Variants in MGAT4C observed in about 807,000 individuals in gnomAD.
MGAT4C encodes the protein MGAT4 family member C, also known as alpha-1,3-mannosyl-glycoprotein 4-beta-N-acetylglucosaminyltransferase C.
Under a neutral mutation model 40.1 loss-of-function variants are expected in MGAT4C, and 19 were observed. The observed-to-expected ratio is 0.47, with a 90% CI of 0.33 to 0.70. MGAT4C has a LOEUF of 0.70. Ranked by LOEUF, MGAT4C falls within the 30% of genes least tolerant of loss-of-function variation. The probability of loss-of-function intolerance (pLI) is 0.02; values close to 1 mark genes in which losing one functional copy is unlikely to be tolerated. For missense variants in MGAT4C, 491 were observed against 563.2 expected, an observed-to-expected ratio of 0.87 and a Z score of 1.30; for synonymous variants, 181 against 187.1, an observed-to-expected ratio of 0.97 and a Z score of 0.27.
Position 86,235,968 on chromosome 12 carries a change from T to C in MGAT4C, c.-57+20271A>G, listed in dbSNP as rs533319223. Among the ~76,000 whole-genome samples, 4 of 152,218 alleles carry C rather than the reference T, an allele frequency of 2.6e-5. No individual in the cohort carries two copies. The South Asian group carries it at 6.2e-4, about 24-fold the overall frequency. On this transcript the variant is annotated intron_variant, in intron 1 of 4. Coordinates refer to ENST00000611864, the MANE Select transcript of MGAT4C (RefSeq NM_001351288.2). Reference sequence around the variant, plus strand: ...AAGTCTACATAACAGAAGGTCAGCATATTTTAAGATATACTCTTGGATTAA... The same window carrying C: ...AAGTCTACATAACAGAAGGTCAGCACATTTTAAGATATACTCTTGGATTAA...
At chr12:86,418,858 G>T (rs1956769516) in intron 3 of MGAT4C, among the ~76,000 whole-genome samples, 1 of 152,020 alleles carries the variant, frequency 6.6e-6, no homozygotes, top group Admixed American at 6.6e-5. Flanking sequence ...ATTGAAAAAA[G>T]TTGATTGGAC....
intron 1 of MGAT4C, among the ~76,000 whole-genome samples, chr12:86,766,106 C>T (rs1300546923): frequency 6.6e-6 from 1 of 152,082 alleles, no homozygotes; most frequent in Non-Finnish European, 1.5e-5. Context: ...CATCAGTGTG[C>T]TGTATTCAGG....
chr12:86,796,050 C>G (rs1019892175), intron 1 of MGAT4C, among the ~76,000 whole-genome samples: 14 of 151,886 alleles, frequency 9.2e-5, no homozygotes, highest in African/African-American at 3.4e-4. Flanking sequence ...CTTTGCTGAG[C>G]TGAACCTAAG....
intron 3 of MGAT4C, among the ~76,000 whole-genome samples, chr12:86,337,983 G>C (rs921814311): frequency 1.3e-5 from 2 of 152,126 alleles, no homozygotes; most frequent in Admixed American, 6.6e-5. Flanking sequence ...ATAAGAGAAA[G>C]AGCTTTCAGG....
At chr12:86,711,365 A>G (rs960556354) in intron 2 of MGAT4C, among the ~76,000 whole-genome samples, 7 of 152,024 alleles carry the variant, frequency 4.6e-5, no homozygotes, top group Non-Finnish European at 1.0e-4. Context: ...GGGAAGGGCT[A>G]AAGTTGAACA....
chr12:86,187,640 GTTAC>G (rs1888915122), intron 1 of MGAT4C, among the ~76,000 whole-genome samples: 1 of 151,238 alleles, frequency 6.6e-6, no homozygotes, highest in South Asian at 2.1e-4. Context: ...CTAGTTCATT[GTTAC>G]TAAAAAAGGG....
At position 85,976,507 on chromosome 12, in the gene MGAT4C, C is replaced by T. The variant is rs937187803; in HGVS notation, c.*2782G>A. ...AGGTTTTTAGTGAGCTTAAATTATA[C>T]AATTCTGAGGCATTATTTAAGGTGC... On this transcript the variant is annotated 3_prime_UTR_variant, in exon 5 of 5. Coordinates refer to ENST00000611864, the MANE Select transcript of MGAT4C (RefSeq NM_001351288.2). 1 of 150,562 alleles carries T rather than the reference C, an allele frequency of 6.6e-6. No homozygotes were observed. Among genetic ancestry groups the T allele is most frequent in the Admixed American group, 6.6e-5 (1 of 15,042 alleles). 9.3% of individuals were successfully genotyped at this position (150,562 alleles called of 1,614,324 possible).
chr12:86,018,510 G>A (rs2136852263), intron 2 of MGAT4C, among the ~76,000 whole-genome samples: 1 of 152,250 alleles, frequency 6.6e-6, no homozygotes, highest in Admixed American at 6.5e-5. Context: ...GGCTGCATAT[G>A]CCCTCAGGGC....
At chr12:86,660,116 A>G (rs1963945495) in intron 2 of MGAT4C, among the ~76,000 whole-genome samples, 1 of 152,102 alleles carries the variant, frequency 6.6e-6, no homozygotes, top group Non-Finnish European at 1.5e-5. Flanking sequence ...TGGAGCCTAA[A>G]AGCAGTAAGT....
chr12:86,288,244 T>C (rs1953406222), intron 4 of MGAT4C, among the ~76,000 whole-genome samples: 1 of 152,214 alleles, frequency 6.6e-6, no homozygotes, highest in Non-Finnish European at 1.5e-5. Flanking sequence ...TTCTGGATAT[T>C]AGCCTTTTGT....
At chr12:86,566,710 A>G (rs558314002) in intron 2 of MGAT4C, among the ~76,000 whole-genome samples, 2 of 142,830 alleles carry the variant, frequency 1.4e-5, no homozygotes, top group African/African-American at 5.1e-5. Context: ...TTATATATGT[A>G]TTATATGTAT....
chr12:86,284,488 CA>C (rs963450994), intron 4 of MGAT4C, among the ~76,000 whole-genome samples: 19 of 151,470 alleles, frequency 1.3e-4, no homozygotes, highest in Non-Finnish European at 8.9e-5. Context: ...AAAAATCTGC[CA>C]AAAAAATACC....
At chr12:86,688,634 G>A (rs1469265563) in intron 2 of MGAT4C, among the ~76,000 whole-genome samples, 2 of 152,128 alleles carry the variant, frequency 1.3e-5, no homozygotes, top group Non-Finnish European at 2.9e-5. Context: ...GAAATTCTGG[G>A]TTGAAAATTC....
At chr12:86,321,379 C>G (rs557462504) in intron 4 of MGAT4C, among the ~76,000 whole-genome samples, 1 of 152,100 alleles carries the variant, frequency 6.6e-6, no homozygotes, top group Admixed American at 6.6e-5. Context: ...TAAAATAGAT[C>G]ATTTACACTT....
intron 1 of MGAT4C, among the ~76,000 whole-genome samples, chr12:86,827,592 T>C (rs1203324986): frequency 6.6e-6 from 1 of 151,254 alleles, no homozygotes; most frequent in African/African-American, 2.4e-5. Flanking sequence ...CAATGACACT[T>C]AGAGAAATGT....
intron 2 of MGAT4C, among the ~76,000 whole-genome samples, chr12:86,698,320 A>T (rs1305570580): frequency 6.6e-6 from 1 of 152,008 alleles, no homozygotes; most frequent in Non-Finnish European, 1.5e-5. Flanking sequence ...ATCTTTAAAT[A>T]AGTGAAAATT....
At chr12:86,277,434 T>G (rs1174622043) in intron 4 of MGAT4C, among the ~76,000 whole-genome samples, 3 of 152,194 alleles carry the variant, frequency 2.0e-5, no homozygotes, top group Non-Finnish European at 4.4e-5. Flanking sequence ...TTTGATTGCC[T>G]GTGCTTGTGG....
intron 1 of MGAT4C, among the ~76,000 whole-genome samples, chr12:86,081,347 A>G (rs1328472809): frequency 2.6e-5 from 4 of 152,160 alleles, no homozygotes; most frequent in African/African-American, 9.7e-5. Context: ...AGTGACTCTA[A>G]TTCGGGAGTC....
chr12:86,574,047 CT>C (rs147100046), intron 2 of MGAT4C, among the ~76,000 whole-genome samples: 3 of 151,596 alleles, frequency 2.0e-5, no homozygotes, highest in Non-Finnish European at 4.4e-5. Flanking sequence ...TTTAGAGATA[CT>C]TTTTTTTCAT....
Sources: gnomAD v4.1 joint callset for allele counts (sites outside exome capture counted in the v4.1 genomes callset) on GRCh38, gnomAD v4.1.1 for gene constraint, MANE v1.5 for transcripts, NCBI Gene and HGNC (gene_info 2026-07-23, HGNC 2026-07-21) for gene names.